EYA1: variants seen among roughly 807,000 people sequenced by gnomAD.
The protein encoded by EYA1 is EYA transcriptional coactivator and phosphatase 1.
Under a neutral mutation model 82.0 loss-of-function variants are expected in EYA1, and 16 were observed. The ratio of observed to expected loss-of-function variants is 0.20; its 90% confidence interval spans 0.13 to 0.30. The LOEUF is 0.30. Among genes scored for constraint, EYA1 ranks in the 10% least tolerant of loss-of-function variants. The pLI, the probability that EYA1 is intolerant of heterozygous loss-of-function variation, is 1.00. For missense variants in EYA1, 633 were observed against 730.7 expected (o/e 0.87, Z 1.54); for synonymous variants, 261 against 264.4 (o/e 0.99, Z 0.12).
In EYA1 at chr8:71,456,864, T is replaced by A. The variant is rs918988636; in HGVS notation, c.33+78880A>T. Among the ~76,000 whole-genome samples, 6 of 152,222 alleles carry A rather than the reference T, an allele frequency of 3.9e-5. No individual in the cohort carries two copies. In the East Asian group the frequency reaches 5.8e-4, roughly 15 times the overall value. On this transcript the variant is annotated intron_variant, in intron 2 of 18. Transcript: ENST00000643681. ...CTTAGGCATGGGCAAGGACTTCATG[T>A]CTAAAACATGAAAAGCAATGGCAAC...
At chr8:71,494,364 C>T (rs969116868) in intron 2 of EYA1, among the ~76,000 whole-genome samples, 3 of 151,934 alleles carry the variant, frequency 2.0e-5, no homozygotes, top group Non-Finnish European at 4.4e-5. Flanking sequence ...TTAGTTTATA[C>T]GTTTCCTCCA....
rs184828108 is a variant in EYA1, at chr8:71,544,453, C to T, written c.-73+3411G>A. 7.6e-4 allele frequency among the ~76,000 whole-genome samples: 116 copies of T among 152,234 alleles called. 2 individuals carry two copies. Among genetic ancestry groups the T allele is most frequent in the African/African-American group, 2.7e-3 (111 of 41,528 alleles). On this transcript the variant is annotated intron_variant, in intron 1 of 18. Transcript: ENST00000643681. ...TCCAGCTCTGGACAAGTTTGTTAAGCCACGTAGTCCAGCACCGGAAAGTTT... is the reference window on the plus strand; with the variant it reads ...TCCAGCTCTGGACAAGTTTGTTAAGTCACGTAGTCCAGCACCGGAAAGTTT...
intron 2 of EYA1, among the ~76,000 whole-genome samples, chr8:71,533,709 C>T (rs1436844569): frequency 1.3e-5 from 2 of 152,166 alleles, no homozygotes; most frequent in Admixed American, 6.5e-5. Context: ...AAAGGAAGCC[C>T]GAGGAGCTCA....
intron 12 of EYA1, among the ~76,000 whole-genome samples, chr8:71,230,850 C>T (rs1055631819): frequency 6.6e-6 from 1 of 152,158 alleles, no homozygotes; most frequent in Admixed American, 6.5e-5. Context: ...TAAACTAAGA[C>T]ATAACTCTTC....
chr8:71,436,982 TG>T (rs1431552209), intron 2 of EYA1, among the ~76,000 whole-genome samples: 1 of 151,590 alleles, frequency 6.6e-6, no homozygotes, highest in Non-Finnish European at 1.5e-5. Context: ...ACTGCATTCC[TG>T]GGTATTATAG....
intron 2 of EYA1, among the ~76,000 whole-genome samples, chr8:71,448,420 C>A (rs1261809407): frequency 6.6e-6 from 1 of 152,138 alleles, no homozygotes; most frequent in Admixed American, 6.5e-5. Context: ...TCAGTCACAT[C>A]TTGAGGATCC....
chr8:71,240,781 CCAG>C (rs1398298177), intron 12 of EYA1, among the ~76,000 whole-genome samples: 2 of 152,182 alleles, frequency 1.3e-5, no homozygotes, highest in Non-Finnish European at 2.9e-5. Flanking sequence ...GTGGAAAAAT[CCAG>C]CAGGAGAACT....
rs1586661501 is a variant in EYA1, at chr8:71,410,210, G to T, written c.34-53699C>A. 4.5e-5 allele frequency among the ~76,000 whole-genome samples: 6 copies of T among 133,986 alleles called. No individual in the cohort carries two copies. The East Asian group carries it at 6.8e-4, about 15-fold the overall frequency. The allele number at this position is 133,986 out of a possible 152,430, so 87.9% of individuals were successfully genotyped here. A position where few individuals can be genotyped will look rare whatever the true frequency, so the allele number is the denominator to read the frequency against. ...ATGCTAAAAACTCTCAATAAATTAG[G>T]TATTGATGGGACGTATTTCAAAATA... On this transcript the variant is annotated intron_variant, in intron 2 of 18. Transcript: ENST00000643681.
intron 2 of EYA1, among the ~76,000 whole-genome samples, chr8:71,492,385 G>C (rs1473402891): frequency 6.6e-6 from 1 of 152,160 alleles, no homozygotes; most frequent in Non-Finnish European, 1.5e-5. Flanking sequence ...AGAGATGGTA[G>C]CAGGAGAAGG....
chr8:71,463,806 G>C (rs79353590), intron 2 of EYA1, among the ~76,000 whole-genome samples: 2,795 of 152,096 alleles, frequency 0.018, 55 homozygotes, highest in African/African-American at 0.062. Flanking sequence ...TTGGACCGTT[G>C]CTGAATTCCT....
intron 12 of EYA1, among the ~76,000 whole-genome samples, chr8:71,217,606 C>T (rs536146400): frequency 1.3e-5 from 2 of 151,144 alleles, no homozygotes; most frequent in Non-Finnish European, 2.9e-5. Context: ...TGTGTGTGTA[C>T]ACATGTGCAC....
At chr8:71,497,800 A>G (rs1439054958) in intron 2 of EYA1, among the ~76,000 whole-genome samples, 2 of 152,220 alleles carry the variant, frequency 1.3e-5, no homozygotes, top group African/African-American at 2.4e-5. Flanking sequence ...TAGCCGAGTT[A>G]TAAAATCAAC....
At chr8:71,253,016 T>G (rs1813939443) in intron 11 of EYA1, among the ~76,000 whole-genome samples, 1 of 152,178 alleles carries the variant, frequency 6.6e-6, no homozygotes, top group Admixed American at 6.5e-5. Flanking sequence ...CAGGAATTAT[T>G]GACATAGAGT....
At chr8:71,267,561 T>A (rs1301446427) in intron 11 of EYA1, among the ~76,000 whole-genome samples, 1 of 152,162 alleles carries the variant, frequency 6.6e-6, no homozygotes, top group Non-Finnish European at 1.5e-5. Flanking sequence ...AACTTTTGTT[T>A]TTTTTGAGAT....
intron 17 of EYA1, among the ~76,000 whole-genome samples, chr8:71,208,748 C>A (rs1235096396): frequency 6.6e-6 from 1 of 151,726 alleles, no homozygotes; most frequent in African/African-American, 2.4e-5. Context: ...AAAAAAAAAT[C>A]TTAACTGCTC....
intron 2 of EYA1, among the ~76,000 whole-genome samples, chr8:71,452,961 A>C (rs1807518720): frequency 6.6e-6 from 1 of 152,224 alleles, no homozygotes; most frequent in African/African-American, 2.4e-5. Flanking sequence ...TCAGACAATC[A>C]AACTTCTCTG....
chr8:71,215,569 C>T (rs370507519), intron 15 of EYA1, 45 bp downstream of exon 15: 58 of 1,608,340 alleles, frequency 3.6e-5, no homozygotes, highest in East Asian at 1.1e-4. Flanking sequence ...TGAACAAGCA[C>T]GAGCATTGCC....
intron 3 of EYA1, among the ~76,000 whole-genome samples, chr8:71,344,952 C>T (rs187245106): frequency 1.1e-4 from 17 of 152,234 alleles, no homozygotes; most frequent in African/African-American, 3.9e-4. Context: ...TAAACCCTAA[C>T]CACATTGAGT....
At chr8:71,234,681 G>T (rs1811616992) in intron 12 of EYA1, among the ~76,000 whole-genome samples, 2 of 151,608 alleles carry the variant, frequency 1.3e-5, no homozygotes, top group Admixed American at 6.6e-5. Flanking sequence ...CTAATTGTTG[G>T]TACCAAAATG....
Sources: gnomAD v4.1 joint callset for allele counts (sites outside exome capture counted in the v4.1 genomes callset) on GRCh38, gnomAD v4.1.1 for gene constraint, MANE v1.5 for transcripts, NCBI Gene and HGNC (gene_info 2026-07-23, HGNC 2026-07-21) for gene names.